KXD1: variants seen among roughly 807,000 people sequenced by gnomAD.
The protein encoded by KXD1 is KxDL motif containing 1.
KXD1 carries 5 observed loss-of-function variants against 12.1 expected under a neutral mutation model. That is an observed-to-expected ratio of 0.41 (90% CI 0.22 to 0.87). KXD1 has a LOEUF of 0.87. KXD1 is among the 40% of genes least tolerant of loss of function. KXD1 has a pLI of 0.31. For missense variants in KXD1, 193 were observed against 244.9 expected, an observed-to-expected ratio of 0.79 and a Z score of 1.41; for synonymous variants, 98 against 100.5, an observed-to-expected ratio of 0.98 and a Z score of 0.15.
At chr19:18,567,395 A>G in intron 4 of KXD1, 1 of 651,264 alleles carries the variant, frequency 1.5e-6, no homozygotes, top group East Asian at 2.7e-5. Flanking sequence ...CCCCGTGGGG[A>G]GGCCGCACAG....
rs142412125 is a variant in KXD1 at position 18,563,475 on chromosome 19, C to T, written c.101+1318C>T. ...ATTCTCCTGCTTCAGCCTCCTGAGT[C>T]GCTGGGATTATAGGCATGCACCACC... On this transcript the variant is annotated intron_variant, in intron 2 of 4. Transcript: ENST00000222307. 7.1e-3 allele frequency among the ~76,000 whole-genome samples: 1,081 copies of T among 151,690 alleles called. 10 individuals carry two copies. Among genetic ancestry groups the T allele is most frequent in the African/African-American group, 0.024 (1,008 of 41,350 alleles).
Position 18,568,593 on chromosome 19 carries a change from C to A in KXD1, c.493C>A (p.Arg165Ser). 1 of 1,612,888 alleles carries A rather than the reference C, an allele frequency of 6.2e-7. No individual in the cohort carries two copies. The highest frequency in any genetic ancestry group is 2.2e-5 in the East Asian group (1 of 44,884). ...GCCTGGCTCCCCAGCCATCAACGGC[C>A]GCAGCCAGACAGATGACGAGGAGAT... ...VQPGSPAINGRSQTDDEEMTG... is the reference protein window; with the variant it reads ...VQPGSPAINGSSQTDDEEMTG... Residue 165 changes from arginine (R) to serine (S), a missense_variant, in exon 5 of 5, where the codon CGC becomes AGC. Coordinates refer to ENST00000222307, the MANE Select transcript of KXD1 (RefSeq NM_024069.4).
chr19:18,566,776 G>C (rs1283277260), intron 3 of KXD1, among the ~76,000 whole-genome samples: 1 of 151,568 alleles, frequency 6.6e-6, no homozygotes, highest in South Asian at 2.1e-4. Context: ...CTGGGCGACA[G>C]AGTGAGATTC....
intron 2 of KXD1, 126 bp downstream of exon 2, chr19:18,562,283 CT>C (rs1428951482): frequency 2.9e-6 from 2 of 693,460 alleles, no homozygotes; most frequent in Admixed American, 6.1e-5. Context: ...AAATCTGTCG[CT>C]GGCTCCAAAG....
chr19:18,568,663 G>C lies in KXD1; in HGVS notation c.*32G>C, dbSNP rs760835332. 2.6e-6 allele frequency: 4 copies of C among 1,534,806 alleles called. No homozygotes were observed. Among genetic ancestry groups the C allele is most frequent in the Non-Finnish European group, 3.6e-6 (4 of 1,120,532 alleles). On this transcript the variant is annotated 3_prime_UTR_variant, in exon 5 of 5. Coordinates refer to ENST00000222307, the MANE Select transcript of KXD1 (RefSeq NM_024069.4). ...TGCCCGGTGCCTTGAGGGGGTCTCA[G>C]GGCAGCAGCATACAAGGTGGCAGCG...
At chr19:18,565,279 G>C (rs1975157870) in intron 3 of KXD1, 5 of 994,846 alleles carry the variant, frequency 5.0e-6, no homozygotes, top group Non-Finnish European at 6.8e-6. Flanking sequence ...GCCCAGGCTG[G>C]AGTGCAGTGG....
chr19:18,568,076 T>A (rs992145291), intron 4 of KXD1, among the ~76,000 whole-genome samples: 4 of 152,110 alleles, frequency 2.6e-5, no homozygotes, highest in Non-Finnish European at 5.9e-5. Flanking sequence ...GATACCAGCC[T>A]GACCAACATA....
rs375382662 is a variant in KXD1 at position 18,567,596 on chromosome 19, C to T, written c.301+418C>T. 5.3e-4 allele frequency among the ~76,000 whole-genome samples: 81 copies of T among 152,266 alleles called. No homozygotes were observed. The Middle Eastern group carries it at 0.014, about 26-fold the overall frequency. On this transcript the variant is annotated intron_variant, in intron 4 of 4. Coordinates refer to ENST00000222307, the MANE Select transcript of KXD1 (RefSeq NM_024069.4). ...ATGGGGTGGGGACTGTGAGTATCAC[C>T]GTTTCATGGAGAGGGAAACAGAGGC...
At chr19:18,568,192 G>C (rs1040663995) in intron 4 of KXD1, among the ~76,000 whole-genome samples, 4 of 151,618 alleles carry the variant, frequency 2.6e-5, no homozygotes, top group African/African-American at 4.9e-5. Context: ...GCTTGAACCC[G>C]GGAGACGGAG....
At chr19:18,565,834 C>A (rs901702466) in intron 3 of KXD1, among the ~76,000 whole-genome samples, 2 of 152,144 alleles carry the variant, frequency 1.3e-5, no homozygotes, top group Non-Finnish European at 2.9e-5. Flanking sequence ...ACTACAGGCG[C>A]ATGCTGCCAC....
At chr19:18,561,865 G>A (rs1974929049) in intron 1 of KXD1, 171 bp from the exon 2 acceptor site, 1 of 503,832 alleles carries the variant, frequency 2.0e-6, no homozygotes, top group Non-Finnish European at 3.5e-6. Context: ...CAAATTCCTG[G>A]GGTGGCACAC....
chr19:18,562,015 C>T (rs573598541), intron 1 of KXD1, 21 bp from the exon 2 acceptor site: 2 of 1,551,314 alleles, frequency 1.3e-6, no homozygotes, highest in African/African-American at 1.4e-5. Context: ...GTGCAGACCA[C>T]TCTGTTCTTG....
chr19:18,558,052 C>T (rs560568270), intron 1 of KXD1, 138 bp downstream of exon 1: 4 of 152,578 alleles, frequency 2.6e-5, no homozygotes, highest in South Asian at 2.1e-4. Flanking sequence ...CTGGTCATTC[C>T]TGCTGCGCAC....
intron 2 of KXD1, among the ~76,000 whole-genome samples, chr19:18,563,910 A>G (rs1433699723): frequency 6.6e-6 from 1 of 150,588 alleles, no homozygotes; most frequent in African/African-American, 2.4e-5. Flanking sequence ...TTTTTGAGAC[A>G]TAGTTTCGCA....
chr19:18,565,235 T>TC (rs1975153658), intron 3 of KXD1: 1 of 1,334,296 alleles, frequency 7.5e-7, no homozygotes, highest in African/African-American at 1.5e-5. Context: ...ACAGAGTTTT[T>TC]TTTTTTTTTT....
chr19:18,564,841 G>A, intron 2 of KXD1, 28 bp from the exon 3 acceptor site: 1 of 1,611,980 alleles, frequency 6.2e-7, no homozygotes, highest in African/African-American at 1.3e-5. Flanking sequence ...GCTGGGCAGT[G>A]AAGCTCATGC....
In KXD1 at chr19:18,568,905, A is replaced by G. The variant is rs912191416; in HGVS notation, c.*274A>G. 1.0e-5 allele frequency: 5 copies of G among 481,240 alleles called. No individual in the cohort carries two copies. Among genetic ancestry groups the G allele is most frequent in the African/African-American group, 7.8e-5 (4 of 51,598 alleles). 29.8% of individuals were successfully genotyped at this position (481,240 alleles called of 1,614,324 possible). ...CAGCTGGAGTCGTGGGGCTGGGCAC[A>G]GGGGAATTTTTCCAGAGCTGAGCCT... On this transcript the variant is annotated 3_prime_UTR_variant, in exon 5 of 5. Coordinates refer to ENST00000222307, the MANE Select transcript of KXD1 (RefSeq NM_024069.4).
intron 4 of KXD1, among the ~76,000 whole-genome samples, chr19:18,567,502 T>A (rs1397539256): frequency 6.6e-6 from 1 of 152,160 alleles, no homozygotes; most frequent in Non-Finnish European, 1.5e-5. Flanking sequence ...AGCCCCGACA[T>A]CGTCTCGCCT....
chr19:18,568,075 C>T (rs1220457873), intron 4 of KXD1, among the ~76,000 whole-genome samples: 1 of 152,144 alleles, frequency 6.6e-6, no homozygotes, highest in East Asian at 1.9e-4. Flanking sequence ...CGATACCAGC[C>T]TGACCAACAT....
Sources: allele counts gnomAD v4.1 joint callset (sites outside exome capture counted in the v4.1 genomes callset), GRCh38; gene constraint gnomAD v4.1.1; transcripts MANE v1.5; gene names NCBI Gene and HGNC (gene_info 2026-07-23, HGNC 2026-07-21).